The following INO80C variants were observed in gnomAD, a reference collection of about 807,000 sequenced individuals.
INO80C encodes IES6 homolog.
A neutral mutation model predicts 17.7 loss-of-function variants in INO80C; 17 were observed. That is an observed-to-expected ratio of 0.96 (90% CI 0.66 to 1.44). The LOEUF is 1.44. Among genes scored for constraint, INO80C ranks in the 40% most tolerant of loss-of-function variants. The probability of loss-of-function intolerance (pLI) is 0.00; values close to 1 mark genes in which losing one functional copy is unlikely to be tolerated. For synonymous variants in INO80C, 96 were observed against 95.8 expected (o/e 1.00, Z -0.01); for missense variants, 244 against 245.0 (o/e 1.00, Z 0.03).
intron 1 of INO80C, among the ~76,000 whole-genome samples, chr18:35,488,070 C>G (rs1403909164): frequency 6.6e-6 from 1 of 152,216 alleles, no homozygotes; most frequent in Non-Finnish European, 1.5e-5. Context: ...CAGCTCTGCC[C>G]CTGTGGCTTT....
chr18:35,486,261 C>T (rs903067171), intron 1 of INO80C, among the ~76,000 whole-genome samples: 2 of 152,152 alleles, frequency 1.3e-5, no homozygotes, highest in African/African-American at 4.8e-5. Context: ...AAGCCAGACA[C>T]AAAAGGCCAC....
chr18:35,495,514 G>T (rs529310630), intron 1 of INO80C, among the ~76,000 whole-genome samples: 1 of 152,160 alleles, frequency 6.6e-6, no homozygotes, highest in South Asian at 2.1e-4. Context: ...GCTGCTGCTT[G>T]GATACAAAAA....
intron 4 of INO80C, among the ~76,000 whole-genome samples, chr18:35,469,917 T>A (rs938739814): frequency 1.3e-5 from 2 of 152,206 alleles, no homozygotes; most frequent in African/African-American, 4.8e-5. Flanking sequence ...CCCAGACATA[T>A]CAAAATTCTC....
Position 35,468,395 on chromosome 18 carries a change from GA to G in INO80C, c.*215del. ...AACACCTTTACTTGAGGCAACAACTGAAGTATAATTTAATTCAGCAGGAAAT... is the reference window on the plus strand; with the variant it reads ...AACACCTTTACTTGAGGCAACAACTGAGTATAATTTAATTCAGCAGGAAAT... On this transcript the variant is annotated 3_prime_UTR_variant, in exon 5 of 5. Transcript: ENST00000334598. 1.4e-6 allele frequency: 2 copies of G among 1,382,964 alleles called. No individual in the cohort carries two copies. Among genetic ancestry groups the G allele is most frequent in the Middle Eastern group, 2.7e-4 (1 of 3,682 alleles). 85.7% of individuals were successfully genotyped at this position (1,382,964 alleles called of 1,614,324 possible).
At chr18:35,493,405 G>C (rs2045950851) in intron 1 of INO80C, among the ~76,000 whole-genome samples, 1 of 152,120 alleles carries the variant, frequency 6.6e-6, no homozygotes, top group Admixed American at 6.5e-5. Flanking sequence ...TAAATCCACA[G>C]AATTGTGATT....
At chr18:35,495,140 C>G (rs949353641) in intron 1 of INO80C, among the ~76,000 whole-genome samples, 2 of 152,228 alleles carry the variant, frequency 1.3e-5, no homozygotes, top group Non-Finnish European at 2.9e-5. Flanking sequence ...AGGCAAAAAT[C>G]TAAGACAACC....
chr18:35,495,660 C>G (rs888733364), intron 1 of INO80C, among the ~76,000 whole-genome samples: 1 of 152,174 alleles, frequency 6.6e-6, no homozygotes, highest in Non-Finnish European at 1.5e-5. Flanking sequence ...GGGGTCAAAA[C>G]AATTATTCCT....
At chr18:35,493,529 A>G (rs979183270) in intron 1 of INO80C, among the ~76,000 whole-genome samples, 1 of 152,208 alleles carries the variant, frequency 6.6e-6, no homozygotes, top group Non-Finnish European at 1.5e-5. Context: ...TGTACTACTA[A>G]ATTATTTAAT....
chr18:35,496,251 C>G (rs986351533), intron 1 of INO80C, among the ~76,000 whole-genome samples: 1 of 150,954 alleles, frequency 6.6e-6, no homozygotes, highest in Admixed American at 6.6e-5. Context: ...TGTAAACGTT[C>G]AAATATTCAT....
At chr18:35,474,825 A>G (rs1036305894) in intron 4 of INO80C, among the ~76,000 whole-genome samples, 4 of 152,224 alleles carry the variant, frequency 2.6e-5, no homozygotes, top group African/African-American at 9.6e-5. Flanking sequence ...TATACTCTAT[A>G]CAGTGAGTAA....
intron 4 of INO80C, among the ~76,000 whole-genome samples, chr18:35,477,894 T>G (rs191344469): frequency 4.6e-5 from 7 of 152,354 alleles, no homozygotes; most frequent in Middle Eastern, 3.4e-3. Context: ...AAAATAAGTT[T>G]GAATGTCACA....
chr18:35,497,426 C>T (rs1446525167), intron 1 of INO80C: 1 of 1,212,934 alleles, frequency 8.2e-7, no homozygotes, highest in African/African-American at 1.6e-5. Context: ...ACTCATTAGT[C>T]CTGAACCTCA....
At chr18:35,497,486 G>A in intron 1 of INO80C, 1 of 1,328,382 alleles carries the variant, frequency 7.5e-7, no homozygotes, top group Non-Finnish European at 9.6e-7. Flanking sequence ...TTAATACTAA[G>A]TCAGTAATAA....
At chr18:35,473,804 A>G (rs2045698888) in intron 4 of INO80C, among the ~76,000 whole-genome samples, 1 of 152,164 alleles carries the variant, frequency 6.6e-6, no homozygotes, top group South Asian at 2.1e-4. Context: ...AAACTTCAGT[A>G]AGACTGGCAG....
intron 1 of INO80C, among the ~76,000 whole-genome samples, chr18:35,485,950 C>T (rs1368604690): frequency 2.0e-5 from 3 of 152,124 alleles, no homozygotes; most frequent in Admixed American, 1.3e-4. Context: ...CATGGCAAGA[C>T]CCTTTCTCTA....
intron 4 of INO80C, among the ~76,000 whole-genome samples, chr18:35,473,583 C>T (rs754056936): frequency 8.5e-5 from 13 of 152,160 alleles, no homozygotes; most frequent in Non-Finnish European, 1.2e-4. Context: ...AGACTATATA[C>T]GTCTTACTGG....
chr18:35,496,205 G>C (rs2045979476), intron 1 of INO80C, among the ~76,000 whole-genome samples: 1 of 152,188 alleles, frequency 6.6e-6, no homozygotes, highest in African/African-American at 2.4e-5. Context: ...ACTTGTACAA[G>C]AATGTTCAGA....
At chr18:35,490,145 A>T (rs2045919428) in intron 1 of INO80C, among the ~76,000 whole-genome samples, 1 of 152,116 alleles carries the variant, frequency 6.6e-6, no homozygotes, top group Non-Finnish European at 1.5e-5. Context: ...CTCTTTCAGG[A>T]GGTGGTGGTA....
chr18:35,475,323 C>T (rs564954459), intron 4 of INO80C, among the ~76,000 whole-genome samples: 15 of 152,226 alleles, frequency 9.9e-5, no homozygotes, highest in African/African-American at 3.4e-4. Flanking sequence ...AAACTGTCAG[C>T]CCAGACTTGA....
Sources: allele counts gnomAD v4.1 joint callset (sites outside exome capture counted in the v4.1 genomes callset), GRCh38; gene constraint gnomAD v4.1.1; transcripts MANE v1.5; gene names NCBI Gene and HGNC (gene_info 2026-07-23, HGNC 2026-07-21).